Variants in TMEM214 observed in about 807,000 individuals in gnomAD.
TMEM214 encodes the protein transmembrane protein 214.
Under a neutral mutation model 89.8 loss-of-function variants are expected in TMEM214, and 71 were observed. The observed-to-expected ratio is 0.79, with a 90% CI of 0.65 to 0.96. The LOEUF (loss-of-function observed/expected upper bound fraction) is 0.96, where lower values mean the gene tolerates loss of function less well. Ranked by LOEUF, TMEM214 falls within the 40% of genes least tolerant of loss-of-function variation. TMEM214 has a pLI of 0.00. For synonymous variants in TMEM214, 332 were observed against 349.5 expected, an observed-to-expected ratio of 0.95 and a Z score of 0.56; for missense variants, 754 against 843.4, an observed-to-expected ratio of 0.89 and a Z score of 1.31.
intron 16 of TMEM214, 60 bp from the exon 17 acceptor site, chr2:27,040,651 C>T (rs1667798568): frequency 3.1e-6 from 5 of 1,601,180 alleles, no homozygotes; most frequent in South Asian, 1.1e-5. Flanking sequence ...AAGCTTTCAT[C>T]CCCGAAAGTT....
intron 9 of TMEM214, 183 bp from the exon 10 acceptor site, chr2:27,037,963 C>T (rs1667641913): frequency 2.6e-6 from 4 of 1,553,002 alleles, no homozygotes; most frequent in Non-Finnish European, 2.6e-6. Context: ...GCTCAGGAGC[C>T]CCAGCCTCCT....
Position 27,039,176 on chromosome 2 carries a change from T to C in TMEM214, c.1525+12T>C, listed in dbSNP as rs1667708583. ...CAGCTCCTTCCAGGGTAAGCAGCAA[T>C]GGGCAAGCGAGGAGGATGGTGTGGG... On this transcript the variant is annotated intron_variant, in intron 13 of 16. Transcript: ENST00000238788. 4 of 1,611,372 alleles carry C rather than the reference T, an allele frequency of 2.5e-6. No homozygotes were observed. The highest frequency in any genetic ancestry group is 2.5e-6 in the Non-Finnish European group (3 of 1,178,406).
At chr2:27,035,559 G>A (rs748520343) in intron 3 of TMEM214, 35 bp from the exon 4 acceptor site, 2 of 1,612,980 alleles carry the variant, frequency 1.2e-6, no homozygotes, top group African/African-American at 1.3e-5. Flanking sequence ...TGGGTGTCTG[G>A]TCCTAGCACT....
chr2:27,036,629 G>C (rs370665769), intron 6 of TMEM214, 37 bp downstream of exon 6: 5 of 1,613,282 alleles, frequency 3.1e-6, no homozygotes, highest in Non-Finnish European at 3.4e-6. Context: ...GGAGGGTCTC[G>C]GAGCTGGAAA....
At chr2:27,034,887 TG>T (rs1364775048) in intron 2 of TMEM214, among the ~76,000 whole-genome samples, 3 of 152,212 alleles carry the variant, frequency 2.0e-5, no homozygotes, top group African/African-American at 7.2e-5. Flanking sequence ...CCTGGCCCTC[TG>T]TTTTCCTCTT....
In TMEM214 at chr2:27,039,124, C is replaced by A; in HGVS notation, c.1485C>A (p.Gly495=). The A allele has an allele frequency of 6.2e-7, 1 of 1,613,934 alleles. No homozygotes were observed. The stretch of plus-strand genomic sequence containing the variant: ...TGTTGCTGCTGGTCTTCGCTGTAGG[C>A]TTCCTGTGCCATGACCTCCGGTCAC... The part of the protein sequence containing the change: ...LLLLLLVFAV[G]FLCHDLRSHS... Residue 495 remains glycine, a synonymous_variant, in exon 13 of 17, where the codon GGC becomes GGA. Coordinates refer to ENST00000238788, the MANE Select transcript of TMEM214 (RefSeq NM_017727.5).
At chr2:27,036,927 G>T in intron 7 of TMEM214, 141 bp downstream of exon 7, 1 of 1,081,952 alleles carries the variant, frequency 9.2e-7, no homozygotes, top group Non-Finnish European at 1.4e-6. Context: ...GAATGTGATG[G>T]TGAGGAAGGA....
intron 6 of TMEM214, 41 bp downstream of exon 6, chr2:27,036,633 C>G: frequency 6.2e-7 from 1 of 1,612,912 alleles, no homozygotes; most frequent in Non-Finnish European, 8.5e-7. Context: ...GGTCTCGGAG[C>G]TGGAAAACTC....
intron 1 of TMEM214, among the ~76,000 whole-genome samples, chr2:27,033,406 G>A (rs1243633407): frequency 6.6e-6 from 1 of 152,160 alleles, no homozygotes; most frequent in African/African-American, 2.4e-5. Context: ...GTGTCAGAGG[G>A]GCTAGGATTC....
chr2:27,039,167 A>T lies in TMEM214; in HGVS notation c.1525+3A>T. ...CCGGTCACACAGCTCCTTCCAGGGT[A>T]AGCAGCAATGGGCAAGCGAGGAGGA... On this transcript the variant is annotated splice_donor_region_variant and intron_variant, in intron 13 of 16. Coordinates refer to ENST00000238788, the MANE Select transcript of TMEM214 (RefSeq NM_017727.5). The T allele has an allele frequency of 6.2e-7, 1 of 1,613,086 alleles. No individual in the cohort carries two copies. The highest frequency in any genetic ancestry group is 8.5e-7 in the Non-Finnish European group (1 of 1,179,590).
rs781043630 is a variant in TMEM214, at chr2:27,038,760, T to C, written c.1352T>C (p.Leu451Pro). 5 of 1,614,066 alleles carry C rather than the reference T, an allele frequency of 3.1e-6. No homozygotes were observed. In the African/African-American group the frequency reaches 6.7e-5, roughly 22 times the overall value. Reference protein sequence around the residue: ...QSLKLTNQELLRKGSSNNQDV... With the variant: ...QSLKLTNQELPRKGSSNNQDV... ...CTCAAGCTTACCAACCAGGAGCTGC[T>C]GAGGAAGGGTAGCAGTAACAACCAG... Residue 451 changes from leucine (L) to proline (P), a missense_variant, in exon 12 of 17, where the codon CTG becomes CCG. Physicochemically the swap from Leu to Pro is moderately conservative, Grantham distance 98 (BLOSUM62 -3). Coordinates refer to ENST00000238788, the MANE Select transcript of TMEM214 (RefSeq NM_017727.5). The surrounding 1 kb of genome is among the most constrained non-coding windows in gnomAD (Gnocchi z 4.4).
Position 27,036,659 on chromosome 2 carries a change from A to G in TMEM214, c.827-46A>G, listed in dbSNP as rs1291216698. The stretch of plus-strand genomic sequence containing the variant: ...TGGAAAACTCCTCTTTGATGCCCCC[A>G]GTAGGTGCAAGCCTGAGGCCTCCCT... On this transcript the variant is annotated intron_variant, in intron 6 of 16. Coordinates refer to ENST00000238788, the MANE Select transcript of TMEM214 (RefSeq NM_017727.5). The G allele has an allele frequency of 2.5e-6, 4 of 1,613,298 alleles. No homozygotes were observed. In the East Asian group the frequency reaches 8.9e-5, roughly 36 times the overall value.
At chr2:27,035,343 G>T in intron 3 of TMEM214, 58 bp downstream of exon 3, 1 of 1,607,348 alleles carries the variant, frequency 6.2e-7, no homozygotes, top group Non-Finnish European at 8.5e-7. Context: ...AAAAAGGGTG[G>T]TATAACAGAT....
At chr2:27,037,011 G>T in intron 7 of TMEM214, 66 bp from the exon 8 acceptor site, 1 of 1,431,022 alleles carries the variant, frequency 7.0e-7, no homozygotes, top group South Asian at 1.1e-5. Flanking sequence ...GGCTTAGCTG[G>T]GGTCATGGCC....
In TMEM214 at chr2:27,039,844, T is replaced by A. The variant is rs1478302330; in HGVS notation, c.1622+7T>A. On this transcript the variant is annotated splice_region_variant and intron_variant, in intron 14 of 16. Transcript: ENST00000238788. ...ACAGTCTGCAAGGCTACAGGTGAGC[T>A]CCTCCCAGGGAGGGGAGAGGAGAGG... The A allele has an allele frequency of 6.2e-7, 1 of 1,613,866 alleles. No individual in the cohort carries two copies. Among genetic ancestry groups the A allele is most frequent in the African/African-American group, 1.3e-5 (1 of 74,982 alleles).
intron 16 of TMEM214, 89 bp from the exon 17 acceptor site, chr2:27,040,622 G>A (rs1199004215): frequency 1.3e-6 from 2 of 1,589,216 alleles, no homozygotes; most frequent in Admixed American, 3.4e-5. Flanking sequence ...GGCCACCCTG[G>A]GATGAGGGTT....
chr2:27,038,951 G>T lies in TMEM214; in HGVS notation c.1408-96G>T. The stretch of plus-strand genomic sequence containing the variant: ...TGCCTCCAGGATAATGTGAAGGCTT[G>T]ACGCTCTTTCGGGAAGGCCTGGCTT... On this transcript the variant is annotated intron_variant, in intron 12 of 16. Transcript: ENST00000238788. The surrounding 1 kb of genome is among the most constrained non-coding windows in gnomAD (Gnocchi z 4.4). 1 of 1,482,818 alleles carries T rather than the reference G, an allele frequency of 6.7e-7. No individual in the cohort carries two copies. The highest frequency in any genetic ancestry group is 1.1e-5 in the South Asian group (1 of 87,550). 91.9% of individuals were successfully genotyped at this position (1,482,818 alleles called of 1,614,324 possible).
Position 27,038,323 on chromosome 2 carries a change from G to A in TMEM214, c.1244+86G>A. On this transcript the variant is annotated intron_variant, in intron 10 of 16. Transcript: ENST00000238788. This position sits in a 1 kb window ranked among gnomAD's most constrained non-coding sequence, Gnocchi z 4.4. ...CTGTCCCATGGCCTGACACCTTTCA[G>A]GCTGAGTGGGAACATTGCTGGAGCA... 3 of 1,556,772 alleles carry A rather than the reference G, an allele frequency of 1.9e-6. No homozygotes were observed. Among genetic ancestry groups the A allele is most frequent in the Admixed American group, 1.7e-5 (1 of 59,574 alleles).
rs1274100081 is a variant in TMEM214 at position 27,040,329 on chromosome 2, A to C, written c.1792-16A>C. Reference sequence around the variant, plus strand: ...TTCCCTGGATACTCTGACCCCATCCATTCTCCATGGTCCAGCTACAGATCC... The same window carrying C: ...TTCCCTGGATACTCTGACCCCATCCCTTCTCCATGGTCCAGCTACAGATCC... On this transcript the variant is annotated splice_polypyrimidine_tract_variant and intron_variant, in intron 15 of 16. Transcript: ENST00000238788. 6.2e-7 allele frequency: 1 copy of C among 1,614,014 alleles called. No individual in the cohort carries two copies. Among genetic ancestry groups the C allele is most frequent in the South Asian group, 1.1e-5 (1 of 91,068 alleles).
Sources: allele counts gnomAD v4.1 joint callset (sites outside exome capture counted in the v4.1 genomes callset), GRCh38; gene constraint gnomAD v4.1.1; non-coding constraint Gnocchi (gnomAD v3.1); transcripts MANE v1.5; gene names NCBI Gene and HGNC (gene_info 2026-07-23, HGNC 2026-07-21).